The following HTT variants were observed in gnomAD, a reference collection of about 807,000 sequenced individuals.
HTT encodes the protein huntingtin.
In HTT, 104 loss-of-function variants were observed where a neutral mutation model predicts 362.3. The ratio of observed to expected loss-of-function variants is 0.29; its 90% CI spans 0.24 to 0.34. The LOEUF is 0.34. Among genes scored for constraint, HTT ranks in the 10% least tolerant of loss-of-function variants. HTT has a pLI of 1.00. For synonymous variants in HTT, 1,577 were observed against 1,548.7 expected, an observed-to-expected ratio of 1.02 and a Z score of -0.43; for missense variants, 3,301 against 3,928.6, an observed-to-expected ratio of 0.84 and a Z score of 4.27.
chr4:3,205,616 CT>C (rs1427511548), intron 42 of HTT, among the ~76,000 whole-genome samples: 1 of 152,130 alleles, frequency 6.6e-6, no homozygotes, highest in Admixed American at 6.5e-5. Context: ...AATTCTGAAG[CT>C]TTTTGAGTGC....
At chr4:3,230,542 T>C (rs917306581) in intron 60 of HTT, among the ~76,000 whole-genome samples, 34 of 152,316 alleles carry the variant, frequency 2.2e-4, no homozygotes, top group African/African-American at 7.9e-4. Flanking sequence ...ATAGTCTCTT[T>C]TTAGCGTGGT....
chr4:3,081,706 C>T (rs569889706), intron 1 of HTT, among the ~76,000 whole-genome samples: 9 of 151,436 alleles, frequency 5.9e-5, no homozygotes, highest in Non-Finnish European at 7.4e-5. Flanking sequence ...TACAGGCATG[C>T]GCCACCACAC....
Position 3,218,053 on chromosome 4 carries a change from C to CT in HTT, c.7242+101_7242+102insT. 9 of 1,003,766 alleles carry CT rather than the reference C, an allele frequency of 9.0e-6. No homozygotes were observed. The highest frequency in any genetic ancestry group is 3.4e-5 in the South Asian group (2 of 58,742). 62.2% of individuals were successfully genotyped at this position (1,003,766 alleles called of 1,614,324 possible). On this transcript the variant is annotated intron_variant, in intron 52 of 66. Transcript: ENST00000355072. This position sits in a 1 kb window ranked among gnomAD's most constrained non-coding sequence, Gnocchi z 4.4. ...GAGGGCGGGACAGAATCCCCGCAGC[C>CT]CAGAGGCTGCCTGCTGTGGTTCTGG...
At chr4:3,087,371 C>T (rs114875656) in intron 2 of HTT, among the ~76,000 whole-genome samples, 164 of 152,312 alleles carry the variant, frequency 1.1e-3, no homozygotes, top group African/African-American at 3.6e-3. Context: ...CAAGACAGTT[C>T]AGTTTGTCTC....
rs765071978 is a variant in HTT at position 3,103,871 on chromosome 4, G to A, written c.516G>A (p.Lys172=). The stretch of plus-strand genomic sequence containing the variant: ...CAAGGTTACAGCTCGAGCTCTATAA[G>A]GAAATTAAAAAGGTGGGCCTTGCTT... ...NLPRLQLELY[K]EIKKNGAPRS... is the part of the protein sequence containing the mutation. The change falls in exon 4 of 67, where the codon AAG becomes AAA. Residue 172 remains lysine, a synonymous_variant. Coordinates refer to ENST00000355072, the MANE Select transcript of HTT (RefSeq NM_001388492.1). 23 of 1,602,092 alleles carry A rather than the reference G, an allele frequency of 1.4e-5. No homozygotes were observed. Among genetic ancestry groups the A allele is most frequent in the Non-Finnish European group, 1.9e-5 (22 of 1,171,082 alleles).
At position 3,219,621 on chromosome 4, in the gene HTT, G is replaced by A. The variant is rs532202741; in HGVS notation, c.7243-561G>A. On this transcript the variant is annotated intron_variant, in intron 52 of 66. Transcript: ENST00000355072. Reference sequence around the variant, plus strand: ...ATCCTGGGGTTCCGTTGGGTCCTTTGTCACCTCACTGAAGGCATGTAAGCT... The same window carrying A: ...ATCCTGGGGTTCCGTTGGGTCCTTTATCACCTCACTGAAGGCATGTAAGCT... 1.5e-3 allele frequency among the ~76,000 whole-genome samples: 222 copies of A among 152,270 alleles called. 1 individual carries two copies. Among genetic ancestry groups the A allele is most frequent in the African/African-American group, 5.1e-3 (211 of 41,552 alleles).
At chr4:3,223,629 C>T (rs1026606374) in intron 55 of HTT, 69 bp downstream of exon 55, 6 of 1,360,768 alleles carry the variant, frequency 4.4e-6, no homozygotes, top group South Asian at 1.4e-5. Context: ...CCCGCTGAAG[C>T]GTCCAGCAGC....
intron 51 of HTT, 149 bp from the exon 52 acceptor site, chr4:3,217,616 G>A (rs1427272520): frequency 9.4e-6 from 6 of 638,514 alleles, no homozygotes; most frequent in Admixed American, 5.7e-5. Context: ...GGATATGAAG[G>A]TAGAATCTGC....
At chr4:3,110,653 A>G (rs1714696823) in intron 6 of HTT, among the ~76,000 whole-genome samples, 1 of 152,184 alleles carries the variant, frequency 6.6e-6, no homozygotes, top group African/African-American at 2.4e-5. Flanking sequence ...GTTCTGGGGT[A>G]GAAATCATTT....
chr4:3,083,781 C>T (rs1713054400), intron 1 of HTT, among the ~76,000 whole-genome samples: 1 of 152,106 alleles, frequency 6.6e-6, no homozygotes, highest in Non-Finnish European at 1.5e-5. Flanking sequence ...AACTACAATC[C>T]TGGGCATTAA....
rs369193282 is a variant in HTT at position 3,122,055 on chromosome 4, G to A, written c.1273+623G>A. Among the ~76,000 whole-genome samples, 22 of 152,304 alleles carry A rather than the reference G, an allele frequency of 1.4e-4. No homozygotes were observed. The East Asian group carries it at 4.2e-3, about 29-fold the overall frequency. On this transcript the variant is annotated intron_variant, in intron 9 of 66. Transcript: ENST00000355072. The stretch of plus-strand genomic sequence containing the variant: ...TCCTCATGTTAATTTGCCAGAAATG[G>A]CATCTTCAAGTCGTCAGAGGGATCT...
chr4:3,082,483 T>C (rs1023199039), intron 1 of HTT, among the ~76,000 whole-genome samples: 3 of 152,238 alleles, frequency 2.0e-5, no homozygotes, highest in Non-Finnish European at 4.4e-5. Context: ...CTAGAATGTA[T>C]GTTAGAGACA....
intron 11 of HTT, among the ~76,000 whole-genome samples, chr4:3,125,914 C>G (rs151302533): frequency 9.2e-5 from 14 of 151,972 alleles, no homozygotes; most frequent in African/African-American, 2.7e-4. Context: ...GATGGCAGGT[C>G]GAAACATCTC....
chr4:3,098,084 C>G (rs1713954262), intron 2 of HTT, among the ~76,000 whole-genome samples: 1 of 152,154 alleles, frequency 6.6e-6, no homozygotes, highest in Non-Finnish European at 1.5e-5. Context: ...GATGCGTCAG[C>G]TAGGAAATAT....
intron 2 of HTT, among the ~76,000 whole-genome samples, chr4:3,088,268 G>C (rs1713316784): frequency 6.7e-6 from 1 of 149,616 alleles, no homozygotes; most frequent in African/African-American, 2.5e-5. Context: ...CTTACTGCAA[G>C]CTCTGCCTCC....
At chr4:3,113,310 T>C (rs941514009) in intron 6 of HTT, among the ~76,000 whole-genome samples, 1 of 152,116 alleles carries the variant, frequency 6.6e-6, no homozygotes, top group Non-Finnish European at 1.5e-5. Flanking sequence ...ATTGTGCTTG[T>C]CTATTTGGAC....
At chr4:3,168,887 T>G (rs1717836320) in intron 29 of HTT, among the ~76,000 whole-genome samples, 1 of 152,166 alleles carries the variant, frequency 6.6e-6, no homozygotes, top group African/African-American at 2.4e-5. Flanking sequence ...TTTGGGTGAT[T>G]TGATAATGAT....
At chr4:3,186,753 G>C (rs763073154) in intron 38 of HTT, 34 bp downstream of exon 38, 2 of 1,608,544 alleles carry the variant, frequency 1.2e-6, no homozygotes, top group East Asian at 2.2e-5. Flanking sequence ...AGATGAATCT[G>C]GACGGCTTGT....
chr4:3,171,994 A>C (rs563418749), intron 29 of HTT, among the ~76,000 whole-genome samples: 2 of 152,328 alleles, frequency 1.3e-5, no homozygotes, highest in East Asian at 3.9e-4. Flanking sequence ...CAGGGCTCTT[A>C]GCTGCTTTGC....
Sources: allele counts gnomAD v4.1 joint callset (sites outside exome capture counted in the v4.1 genomes callset), GRCh38; gene constraint gnomAD v4.1.1; non-coding constraint Gnocchi (gnomAD v3.1); transcripts MANE v1.5; gene names NCBI Gene and HGNC (gene_info 2026-07-23, HGNC 2026-07-21).